PRKD1: variants seen among roughly 807,000 people sequenced by gnomAD.
PRKD1 encodes protein kinase D1, also known as serine/threonine-protein kinase D1.
PRKD1 carries 63 observed loss-of-function variants against 95.9 expected under a neutral mutation model. The observed-to-expected ratio is 0.66, with a 90% CI of 0.54 to 0.81. The LOEUF is 0.81. PRKD1 is among the 30% of genes least tolerant of loss of function. The probability of loss-of-function intolerance (pLI) is 0.00; values close to 1 mark genes in which losing one functional copy is unlikely to be tolerated. For missense variants in PRKD1, 1,048 were observed against 1,165.3 expected, an observed-to-expected ratio of 0.90 and a Z score of 1.47; for synonymous variants, 425 against 423.1, an observed-to-expected ratio of 1.00 and a Z score of -0.05.
At chr14:29,679,717 G>A (rs1883424936) in intron 2 of PRKD1, among the ~76,000 whole-genome samples, 2 of 143,064 alleles carry the variant, frequency 1.4e-5, no homozygotes, top group East Asian at 4.0e-4. Flanking sequence ...ATGAAGGAAG[G>A]TACAAATCTT....
chr14:29,690,651 T>C (rs1044986188), intron 2 of PRKD1, among the ~76,000 whole-genome samples: 4 of 152,218 alleles, frequency 2.6e-5, no homozygotes, highest in Admixed American at 6.5e-5. Context: ...AATGCTCGCA[T>C]GGATAACGGC....
At chr14:29,880,360 T>C (rs1893458322) in intron 1 of PRKD1, among the ~76,000 whole-genome samples, 2 of 152,196 alleles carry the variant, frequency 1.3e-5, no homozygotes, top group Non-Finnish European at 2.9e-5. Flanking sequence ...TGGCAGCTTC[T>C]ACATGGTGTT....
At chr14:29,728,374 T>C (rs1043154892) in intron 1 of PRKD1, among the ~76,000 whole-genome samples, 3 of 152,114 alleles carry the variant, frequency 2.0e-5, no homozygotes, top group African/African-American at 7.2e-5. Flanking sequence ...ATAACCAAAA[T>C]CACAATCAAG....
chr14:29,889,711 G>A (rs940258220), intron 1 of PRKD1, among the ~76,000 whole-genome samples: 5 of 152,136 alleles, frequency 3.3e-5, no homozygotes, highest in African/African-American at 1.2e-4. Flanking sequence ...AACACAGGGA[G>A]GGGAACACCA....
chr14:29,808,238 G>A (rs376629689), intron 1 of PRKD1, among the ~76,000 whole-genome samples: 1 of 151,896 alleles, frequency 6.6e-6, no homozygotes, highest in African/African-American at 2.4e-5. Flanking sequence ...TAATGTTAAC[G>A]GAATCTTCAC....
At chr14:29,764,232 T>C (rs1888159703) in intron 1 of PRKD1, among the ~76,000 whole-genome samples, 1 of 152,050 alleles carries the variant, frequency 6.6e-6, no homozygotes. Context: ...ACTGCCAATT[T>C]TCAGTAATGA....
chr14:29,765,412 C>T (rs1888213955), intron 1 of PRKD1, among the ~76,000 whole-genome samples: 1 of 152,164 alleles, frequency 6.6e-6, no homozygotes, highest in Non-Finnish European at 1.5e-5. Flanking sequence ...AACTGAAAAA[C>T]AGTCACTCTC....
At chr14:29,813,558 G>T (rs1890577083) in intron 1 of PRKD1, among the ~76,000 whole-genome samples, 1 of 152,098 alleles carries the variant, frequency 6.6e-6, no homozygotes, top group African/African-American at 2.4e-5. Context: ...TAGGGAGAGG[G>T]TGAGGCCAAA....
intron 2 of PRKD1, among the ~76,000 whole-genome samples, chr14:29,719,472 T>C (rs1393747136): frequency 2.0e-5 from 3 of 152,180 alleles, no homozygotes; most frequent in Non-Finnish European, 4.4e-5. Flanking sequence ...CTTACTGCAA[T>C]AGGAATTCTT....
chr14:29,826,736 T>C lies in PRKD1; in HGVS notation c.264+100513A>G, dbSNP rs1477191738. Reference sequence around the variant, plus strand: ...ATATATATATACATATATATACACATATATATACACATATATATATACATA... The same window carrying C: ...ATATATATATACATATATATACACACATATATACACATATATATATACATA... On this transcript the variant is annotated intron_variant, in intron 1 of 17. Transcript: ENST00000331968. 4.8e-3 allele frequency among the ~76,000 whole-genome samples: 265 copies of C among 54,888 alleles called. 4 individuals carry two copies. The highest frequency in any genetic ancestry group is 7.5e-3 in the Non-Finnish European group (211 of 28,060). The allele number at this position is 54,888 out of a possible 152,430, so 36.0% of individuals were successfully genotyped here.
chr14:29,920,478 A>C (rs1895062030), intron 1 of PRKD1, among the ~76,000 whole-genome samples: 1 of 152,048 alleles, frequency 6.6e-6, no homozygotes, highest in Non-Finnish European at 1.5e-5. Flanking sequence ...CAACACCTAT[A>C]AGACTGCATT....
chr14:29,793,201 AAAG>A (rs1889625969), intron 1 of PRKD1, among the ~76,000 whole-genome samples: 1 of 152,042 alleles, frequency 6.6e-6, no homozygotes, highest in African/African-American at 2.4e-5. Flanking sequence ...AGGTGTTTCT[AAAG>A]AATAGAGAAT....
At chr14:29,657,711 C>CA (rs1412829190) in intron 4 of PRKD1, 1 of 152,280 alleles carries the variant, frequency 6.6e-6, no homozygotes, top group Admixed American at 6.6e-5. Flanking sequence ...TTAAAAAATA[C>CA]AAAAAATTAG....
At chr14:29,784,863 G>A (rs965074582) in intron 1 of PRKD1, among the ~76,000 whole-genome samples, 10 of 152,174 alleles carry the variant, frequency 6.6e-5, no homozygotes, top group African/African-American at 2.2e-4. Context: ...CTATAACTCT[G>A]ATTGAAAAGA....
chr14:29,851,956 T>G (rs1422624138), intron 1 of PRKD1, among the ~76,000 whole-genome samples: 1 of 152,118 alleles, frequency 6.6e-6, no homozygotes, highest in African/African-American at 2.4e-5. Flanking sequence ...TGGAAGCCAT[T>G]ATCCTACACA....
At chr14:29,624,399 C>CATAT (rs149960203) in intron 12 of PRKD1, 141 bp from the exon 13 acceptor site, 3 of 439,236 alleles carry the variant, frequency 6.8e-6, no homozygotes, top group African/African-American at 2.1e-5. Context: ...CACTGACTTA[C>CATAT]ATATATATAT....
At chr14:29,920,849 A>G (rs1166796089) in intron 1 of PRKD1, among the ~76,000 whole-genome samples, 3 of 152,224 alleles carry the variant, frequency 2.0e-5, no homozygotes, top group African/African-American at 7.2e-5. Flanking sequence ...ATTTCTGCAT[A>G]TGCACAACCA....
At chr14:29,708,516 T>C (rs530124642) in intron 2 of PRKD1, among the ~76,000 whole-genome samples, 1 of 152,252 alleles carries the variant, frequency 6.6e-6, no homozygotes, top group Non-Finnish European at 1.5e-5. Context: ...TTAGTCTCAG[T>C]GAGGTAAAGG....
rs556051847 is a variant in PRKD1 at position 29,772,521 on chromosome 14, C to T, written c.265-46847G>A. 1.1e-4 allele frequency among the ~76,000 whole-genome samples: 17 copies of T among 152,228 alleles called. No individual in the cohort carries two copies. In the South Asian group the frequency reaches 3.3e-3, roughly 30 times the overall value. On this transcript the variant is annotated intron_variant, in intron 1 of 17. Coordinates refer to ENST00000331968, the MANE Select transcript of PRKD1 (RefSeq NM_002742.3). ...CCGCCCAAATGGAATAAGGTAATAT[C>T]GTATGTACTTTATATTTTATATTTC...
Sources: gnomAD v4.1 joint callset for allele counts (sites outside exome capture counted in the v4.1 genomes callset) on GRCh38, gnomAD v4.1.1 for gene constraint, MANE v1.5 for transcripts, NCBI Gene and HGNC (gene_info 2026-07-23, HGNC 2026-07-21) for gene names.